PARD3B: variants seen among roughly 807,000 people sequenced by gnomAD.
PARD3B encodes partitioning defective 3 homolog B.
Under a neutral mutation model 130.2 loss-of-function variants are expected in PARD3B, and 103 were observed. That is an observed-to-expected ratio of 0.79 (90% CI 0.67 to 0.93). The LOEUF is 0.93. Ranked by LOEUF, PARD3B falls within the 40% of genes least tolerant of loss-of-function variation. The pLI is 0.00. For missense variants in PARD3B, 1,609 were observed against 1,499.2 expected, an observed-to-expected ratio of 1.07 and a Z score of -1.21; for synonymous variants, 583 against 553.2, an observed-to-expected ratio of 1.05 and a Z score of -0.76.
chr2:204,919,272 T>A (rs561500652), intron 2 of PARD3B, among the ~76,000 whole-genome samples: 12 of 152,294 alleles, frequency 7.9e-5, no homozygotes, highest in Non-Finnish European at 1.6e-4. Flanking sequence ...AAAATTTACA[T>A]ATGATGAAAT....
chr2:205,363,542 A>G, intron 18 of PARD3B, among the ~76,000 whole-genome samples: 1 of 152,198 alleles, frequency 6.6e-6, no homozygotes, highest in East Asian at 1.9e-4. Context: ...AGCAAGGCAA[A>G]GGGGTATAAT....
At chr2:204,966,406 A>G (rs1691256145) in intron 3 of PARD3B, among the ~76,000 whole-genome samples, 2 of 152,172 alleles carry the variant, frequency 1.3e-5, no homozygotes, top group Non-Finnish European at 2.9e-5. Context: ...GCTTTGTGGC[A>G]GCTTCTCTTC....
rs1191513035 is a variant in PARD3B at position 205,301,658 on chromosome 2, C to T, written c.2587C>T (p.Pro863Ser). 6.2e-7 allele frequency: 1 copy of T among 1,613,580 alleles called. No individual in the cohort carries two copies. Among genetic ancestry groups the T allele is most frequent in the African/African-American group, 1.3e-5 (1 of 74,834 alleles). Residue 863 changes from proline (P) to serine (S), a missense_variant, in exon 18 of 23, where the codon CCA (proline) becomes TCA (serine). Coordinates refer to ENST00000406610, the MANE Select transcript of PARD3B (RefSeq NM_001302769.2). This position sits in a 1 kb window ranked among gnomAD's most constrained non-coding sequence, Gnocchi z 5.2. ...EKKRKEENED[P>S]ERKIKKKGFG... ...AAAGCGCAAAGAGGAGAATGAAGAT[C>T]CAGAAAGGAAAATAAAGAAGAAGGG...
At chr2:205,335,678 A>C (rs554673339) in intron 18 of PARD3B, among the ~76,000 whole-genome samples, 39 of 152,220 alleles carry the variant, frequency 2.6e-4, no homozygotes, top group African/African-American at 9.1e-4. Flanking sequence ...TTACAGTTCT[A>C]CGTGGCTGGG....
At chr2:204,764,864 C>T (rs1395741852) in intron 2 of PARD3B, among the ~76,000 whole-genome samples, 2 of 152,038 alleles carry the variant, frequency 1.3e-5, no homozygotes, top group Non-Finnish European at 2.9e-5. Context: ...TCCCTCCTCC[C>T]TCCTGCGCTG....
intron 2 of PARD3B, among the ~76,000 whole-genome samples, chr2:204,776,784 G>T (rs2041640763): frequency 6.6e-6 from 1 of 151,896 alleles, no homozygotes; most frequent in Non-Finnish European, 1.5e-5. Context: ...GAAAAATGAT[G>T]CCTCTTCTCT....
chr2:204,896,766 AT>A (rs2046656165), intron 2 of PARD3B, among the ~76,000 whole-genome samples: 1 of 152,236 alleles, frequency 6.6e-6, no homozygotes, highest in Non-Finnish European at 1.5e-5. Flanking sequence ...AGTACACTAA[AT>A]AAAGGCTATC....
At chr2:205,088,721 G>A (rs973633166) in intron 4 of PARD3B, among the ~76,000 whole-genome samples, 6 of 151,514 alleles carry the variant, frequency 4.0e-5, no homozygotes, top group African/African-American at 1.5e-4. Flanking sequence ...CAACCTCTTT[G>A]TGTCAATAAT....
chr2:205,601,176 C>T (rs2054771116), intron 22 of PARD3B, among the ~76,000 whole-genome samples: 1 of 152,136 alleles, frequency 6.6e-6, no homozygotes, highest in Non-Finnish European at 1.5e-5. Flanking sequence ...TGTTTCTTGA[C>T]TTTTTAATAA....
At position 204,801,260 on chromosome 2, in the gene PARD3B, C is replaced by T. The variant is rs149397931; in HGVS notation, c.222+114978C>T. On this transcript the variant is annotated intron_variant, in intron 2 of 22. Transcript: ENST00000406610. ...TTCCTATTCTGTGAAGAAAGTCAGT[C>T]GTAGCTTGATGGGGACAGCATTGAA... Among the ~76,000 whole-genome samples, 70 of 152,148 alleles carry T rather than the reference C, an allele frequency of 4.6e-4. No individual in the cohort carries two copies. In the East Asian group the frequency reaches 0.011, roughly 24 times the overall value.
intron 11 of PARD3B, among the ~76,000 whole-genome samples, chr2:205,169,160 A>G (rs2035004549): frequency 6.6e-6 from 1 of 152,212 alleles, no homozygotes; most frequent in African/African-American, 2.4e-5. Flanking sequence ...GAAATTACAC[A>G]TCATTTATCT....
chr2:205,094,968 C>T (rs1702315235), intron 4 of PARD3B, among the ~76,000 whole-genome samples: 1 of 152,066 alleles, frequency 6.6e-6, no homozygotes, highest in African/African-American at 2.4e-5. Flanking sequence ...ACAAATGAAG[C>T]CCTAGTACCA....
At chr2:205,338,010 C>T (rs184683128) in intron 18 of PARD3B, among the ~76,000 whole-genome samples, 11 of 151,892 alleles carry the variant, frequency 7.2e-5, no homozygotes, top group Non-Finnish European at 1.5e-4. Flanking sequence ...AAAAATTAGC[C>T]GGGCATGGTG....
At chr2:205,195,516 G>A (rs759423396) in intron 15 of PARD3B, among the ~76,000 whole-genome samples, 2 of 152,198 alleles carry the variant, frequency 1.3e-5, no homozygotes, top group Non-Finnish European at 2.9e-5. Flanking sequence ...TAACAAATGT[G>A]TTAGCCTTCT....
chr2:204,950,342 A>G (rs1365514193), intron 2 of PARD3B, among the ~76,000 whole-genome samples: 2 of 152,226 alleles, frequency 1.3e-5, no homozygotes, highest in African/African-American at 2.4e-5. Flanking sequence ...TCTTTATTGT[A>G]TAGATGAAAT....
chr2:205,487,089 G>T (rs1429058345), intron 20 of PARD3B, among the ~76,000 whole-genome samples: 1 of 152,036 alleles, frequency 6.6e-6, no homozygotes, highest in Non-Finnish European at 1.5e-5. Context: ...TGGCCTCATG[G>T]TCACTTACCT....
At chr2:205,586,993 C>G (rs2054219973) in intron 22 of PARD3B, among the ~76,000 whole-genome samples, 1 of 152,112 alleles carries the variant, frequency 6.6e-6, no homozygotes, top group Admixed American at 6.6e-5. Context: ...GTCTTTCTTC[C>G]AAGAGCAAAG....
chr2:205,493,633 T>C (rs2049806581), intron 20 of PARD3B, among the ~76,000 whole-genome samples: 1 of 152,128 alleles, frequency 6.6e-6, no homozygotes, highest in Non-Finnish European at 1.5e-5. Context: ...AAGGGTTTTA[T>C]TCAGAGAGTT....
At position 205,269,595 on chromosome 2, in the gene PARD3B, C is replaced by G. The variant is rs1485840098; in HGVS notation, c.2185+23773C>G. On this transcript the variant is annotated intron_variant, in intron 16 of 22. Transcript: ENST00000406610. The surrounding 1 kb of genome is among the most constrained non-coding windows in gnomAD (Gnocchi z 4.7). ...TGCTGATTCTCAATAACCACACTTA[C>G]ACCTGACAAACAAAAATGCATTACT... Among the ~76,000 whole-genome samples the G allele has an allele frequency of 6.6e-6, 1 of 152,092 alleles. No individual in the cohort carries two copies. Among genetic ancestry groups the G allele is most frequent in the Non-Finnish European group, 1.5e-5 (1 of 68,024 alleles).
Sources: gnomAD v4.1 joint callset for allele counts (sites outside exome capture counted in the v4.1 genomes callset) on GRCh38, gnomAD v4.1.1 for gene constraint, Gnocchi (gnomAD v3.1) non-coding constraint, MANE v1.5 for transcripts, NCBI Gene and HGNC (gene_info 2026-07-23, HGNC 2026-07-21) for gene names.